Variants in SNTG1 observed in about 807,000 individuals in gnomAD.
SNTG1 encodes syntrophin gamma 1.
In SNTG1, 39 loss-of-function variants were observed where a neutral mutation model predicts 74.7. The observed-to-expected ratio is 0.52, with a 90% CI of 0.40 to 0.68. The LOEUF (loss-of-function observed/expected upper bound fraction) is 0.68, where lower values mean the gene tolerates loss of function less well. Ranked by LOEUF, SNTG1 falls within the 30% of genes least tolerant of loss-of-function variation. The pLI is 0.00. For synonymous variants in SNTG1, 254 were observed against 217.1 expected (o/e 1.17, Z -1.49); for missense variants, 685 against 609.5 (o/e 1.12, Z -1.30).
chr8:50,009,681 T>C (rs1027619771), intron 1 of SNTG1, among the ~76,000 whole-genome samples: 1 of 152,178 alleles, frequency 6.6e-6, no homozygotes. Context: ...TTGCAAAGTG[T>C]CAAGTATTAT....
At chr8:50,660,726 T>C (rs1314155979) in intron 15 of SNTG1, among the ~76,000 whole-genome samples, 1 of 152,202 alleles carries the variant, frequency 6.6e-6, no homozygotes, top group African/African-American at 2.4e-5. Flanking sequence ...TATTTAAACA[T>C]TAGAACATAA....
chr8:50,495,705 C>G (rs777839913), intron 8 of SNTG1, among the ~76,000 whole-genome samples: 2 of 152,070 alleles, frequency 1.3e-5, no homozygotes, highest in Non-Finnish European at 1.5e-5. Context: ...CTTAAGAAGG[C>G]CTTATCTCCT....
chr8:50,274,132 G>A (rs903266571), intron 2 of SNTG1, among the ~76,000 whole-genome samples: 4 of 152,038 alleles, frequency 2.6e-5, no homozygotes, highest in African/African-American at 9.7e-5. Context: ...CTGTTACCCA[G>A]GCTGGAGTGC....
intron 4 of SNTG1, among the ~76,000 whole-genome samples, chr8:50,407,123 C>T (rs542853962): frequency 6.6e-6 from 1 of 152,086 alleles, no homozygotes; most frequent in Non-Finnish European, 1.5e-5. Context: ...TCCATGTGCT[C>T]GCTGGACAGG....
At chr8:50,008,022 C>T (rs1815409473) in intron 1 of SNTG1, among the ~76,000 whole-genome samples, 1 of 152,002 alleles carries the variant, frequency 6.6e-6, no homozygotes. Flanking sequence ...GGGATACTGC[C>T]CCCATGATCC....
chr8:50,532,082 A>T (rs6990342), intron 10 of SNTG1, among the ~76,000 whole-genome samples: 5,690 of 152,208 alleles, frequency 0.037, 368 homozygotes, highest in African/African-American at 0.13. Flanking sequence ...ACTGTTATAA[A>T]TTCTTCTTAC....
chr8:50,577,387 C>A (rs183421922), intron 12 of SNTG1, among the ~76,000 whole-genome samples: 90 of 150,782 alleles, frequency 6.0e-4, no homozygotes, highest in Non-Finnish European at 7.5e-4. Flanking sequence ...CTGTTGAATT[C>A]ACTTTCTTAG....
intron 2 of SNTG1, among the ~76,000 whole-genome samples, chr8:50,285,928 T>C (rs1439444899): frequency 6.6e-6 from 1 of 152,196 alleles, no homozygotes; most frequent in African/African-American, 2.4e-5. Context: ...GTAAATTTGT[T>C]TCATCAATAA....
intron 2 of SNTG1, among the ~76,000 whole-genome samples, chr8:50,268,336 T>TTAA (rs2087586449): frequency 6.6e-6 from 1 of 152,194 alleles, no homozygotes; most frequent in Admixed American, 6.6e-5. Context: ...AAGGTGCCAA[T>TTAA]TCATTCTCAA....
At chr8:50,631,388 T>C (rs2094996256) in intron 13 of SNTG1, among the ~76,000 whole-genome samples, 1 of 152,196 alleles carries the variant, frequency 6.6e-6, no homozygotes. Context: ...CCTGATTATA[T>C]TACATTATAT....
chr8:50,022,151 AT>A (rs1240516593), intron 1 of SNTG1, among the ~76,000 whole-genome samples: 1 of 152,116 alleles, frequency 6.6e-6, no homozygotes, highest in African/African-American at 2.4e-5. Flanking sequence ...TTGTTGTGTC[AT>A]TTTTAACAAG....
chr8:49,921,362 G>T (rs767309028), intron 1 of SNTG1, among the ~76,000 whole-genome samples: 1 of 151,980 alleles, frequency 6.6e-6, no homozygotes, highest in Non-Finnish European at 1.5e-5. Context: ...AGGTTCCTTT[G>T]GGTTTGCTCA....
intron 15 of SNTG1, among the ~76,000 whole-genome samples, chr8:50,679,011 G>C (rs1280375293): frequency 6.6e-6 from 1 of 151,918 alleles, no homozygotes. Flanking sequence ...TTAAATAATA[G>C]CTACATTTTT....
intron 2 of SNTG1, among the ~76,000 whole-genome samples, chr8:50,277,414 T>C (rs1338400970): frequency 6.6e-6 from 1 of 152,190 alleles, no homozygotes; most frequent in Non-Finnish European, 1.5e-5. Context: ...ACAGAAACTT[T>C]TTCAGACACA....
rs149880650 is a variant in SNTG1 at position 50,281,479 on chromosome 8, T to TA, written c.-28+108845dup. On this transcript the variant is annotated intron_variant, in intron 2 of 18. Transcript: ENST00000642720. ...GTTGTAGCGATTTCTCTGAAGTTTT[T>TA]ATCAATCTCTTCACCTTCAGCTTGC... Among the ~76,000 whole-genome samples the TA allele has an allele frequency of 2.6e-4, 39 of 152,346 alleles. No individual in the cohort carries two copies. In the East Asian group the frequency reaches 6.8e-3, roughly 26 times the overall value.
At position 50,272,337 on chromosome 8, in the gene SNTG1, A is replaced by G. The variant is rs2087826763; in HGVS notation, c.-28+99702A>G. 2.6e-5 allele frequency among the ~76,000 whole-genome samples: 4 copies of G among 152,316 alleles called. 1 individual carries two copies. The highest frequency in any genetic ancestry group is 3.4e-3 in the Middle Eastern group (1 of 294). On this transcript the variant is annotated intron_variant, in intron 2 of 18. Coordinates refer to ENST00000642720, the MANE Select transcript of SNTG1 (RefSeq NM_018967.5). ...GACAGTTCAAGTGTCAAAGTGAAGC[A>G]GCAGCTTTTTTGTAGCTCACATATA... is the stretch of plus-strand genomic sequence containing the variant.
chr8:50,664,369 A>T (rs1468815245), intron 15 of SNTG1, among the ~76,000 whole-genome samples: 1 of 152,220 alleles, frequency 6.6e-6, no homozygotes, highest in Non-Finnish European at 1.5e-5. Context: ...AAGTGAATAT[A>T]TATCAAGAAT....
intron 2 of SNTG1, among the ~76,000 whole-genome samples, chr8:50,205,810 T>C (rs1195044667): frequency 6.6e-6 from 1 of 152,190 alleles, no homozygotes; most frequent in Non-Finnish European, 1.5e-5. Flanking sequence ...CCCAGCACCA[T>C]TTGTTAAGTA....
intron 1 of SNTG1, among the ~76,000 whole-genome samples, chr8:50,141,390 T>C (rs1218984037): frequency 6.6e-6 from 1 of 152,186 alleles, no homozygotes; most frequent in Non-Finnish European, 1.5e-5. Context: ...TTTCCAGAAT[T>C]CTAGTAGGTG....
Sources: gnomAD v4.1 joint callset for allele counts (sites outside exome capture counted in the v4.1 genomes callset) on GRCh38, gnomAD v4.1.1 for gene constraint, MANE v1.5 for transcripts, NCBI Gene and HGNC (gene_info 2026-07-23, HGNC 2026-07-21) for gene names.